LAMA3: variants seen among roughly 807,000 people sequenced by gnomAD.
LAMA3 encodes laminin subunit alpha-3.
In LAMA3, 281 loss-of-function variants were observed where a neutral mutation model predicts 402.0. The ratio of observed to expected loss-of-function variants is 0.70; its 90% confidence interval spans 0.63 to 0.77. The LOEUF is 0.77. LAMA3 is among the 30% of genes least tolerant of loss of function. The probability of loss-of-function intolerance (pLI) is 0.00; values close to 1 mark genes in which losing one functional copy is unlikely to be tolerated. For missense variants in LAMA3, 3,840 were observed against 4,215.5 expected, an observed-to-expected ratio of 0.91 and a Z score of 2.47; for synonymous variants, 1,431 against 1,558.4, an observed-to-expected ratio of 0.92 and a Z score of 1.93.
At position 23,876,368 on chromosome 18, in the gene LAMA3, A is replaced by G; in HGVS notation, c.5073A>G (p.Gly1691=). The part of the protein sequence containing the change: ...TGRCVPCNCN[G]HSNQCQDGSG... The stretch of plus-strand genomic sequence containing the variant: ...GGTGTGTTCCCTGCAATTGCAACGG[A>G]CATTCAAATCAATGCCAGGATGGCT... The change falls in exon 39 of 75, where the codon GGA becomes GGG. Residue 1691 remains glycine, a synonymous_variant. Transcript: ENST00000313654. 6.2e-7 allele frequency: 1 copy of G among 1,614,038 alleles called. No individual in the cohort carries two copies. The highest frequency in any genetic ancestry group is 8.5e-7 in the Non-Finnish European group (1 of 1,179,848).
Position 23,904,034 on chromosome 18 carries a change from G to A in LAMA3, c.6420G>A (p.Glu2140=). 1 of 1,614,164 alleles carries A rather than the reference G, an allele frequency of 6.2e-7. No homozygotes were observed. ...CTGCTGGCAAAACATCCCTTGTGGA[G>A]GAGGCAGAAAAGCACGCGCGGTCCT... ...SRSAGKTSLV[E]EAEKHARSLQ... The change falls in exon 50 of 75, where the codon GAG becomes GAA. Residue 2140 remains glutamate, a synonymous_variant. Coordinates refer to ENST00000313654, the MANE Select transcript of LAMA3 (RefSeq NM_198129.4).
intron 8 of LAMA3, among the ~76,000 whole-genome samples, chr18:23,772,636 T>C (rs2062226623): frequency 6.6e-6 from 1 of 152,246 alleles, no homozygotes. Context: ...GAAAAGTCTG[T>C]AGTTAATAAA....
chr18:23,888,297 G>A (rs562283252), intron 41 of LAMA3, among the ~76,000 whole-genome samples: 1 of 152,322 alleles, frequency 6.6e-6, no homozygotes. Context: ...ATGCCAATTA[G>A]AAGATGAATA....
chr18:23,854,995 A>T (rs914621414), intron 32 of LAMA3, among the ~76,000 whole-genome samples: 3 of 112,366 alleles, frequency 2.7e-5, no homozygotes, highest in Admixed American at 8.5e-5. Context: ...AAAATAAATA[A>T]ATAAAAAATA....
intron 17 of LAMA3, 104 bp downstream of exon 17, chr18:23,815,677 T>A (rs1246787903): frequency 1.2e-6 from 1 of 823,750 alleles, no homozygotes; most frequent in African/African-American, 1.7e-5. Flanking sequence ...GACTTTCTGA[T>A]GGAATGGCCC....
chr18:23,905,579 A>T lies in LAMA3; in HGVS notation c.6673A>T (p.Lys2225Ter). The T allele has an allele frequency of 6.2e-7, 1 of 1,611,474 alleles. No individual in the cohort carries two copies. Among genetic ancestry groups the T allele is most frequent in the Non-Finnish European group, 8.5e-7 (1 of 1,177,984 alleles). Residue 2225 changes from lysine to a stop codon, truncating the protein, a stop_gained, in exon 52 of 75, where the codon AAA (lysine) becomes TAA (stop). Transcript: ENST00000313654. LOFTEE classifies it high-confidence loss of function. ...TAAAACCCTGAGTTCCAACAGTGAT[A>T]AACTGTTAAATGAAGCCAAGATGAC... ...KAKTLSSNSD[K>*]LLNEAKMTQK... is the part of the protein sequence containing the mutation.
intron 67 of LAMA3, among the ~76,000 whole-genome samples, chr18:23,936,311 C>T (rs2082312151): frequency 1.3e-5 from 2 of 151,352 alleles, no homozygotes; most frequent in African/African-American, 2.4e-5. Context: ...CATATGTATA[C>T]ATGTGTCATG....
At chr18:23,733,480 T>C (rs1568125047) in intron 2 of LAMA3, among the ~76,000 whole-genome samples, 1 of 151,418 alleles carries the variant, frequency 6.6e-6, no homozygotes, top group Non-Finnish European at 1.5e-5. Context: ...TTGTGAGACT[T>C]ACTACCATGA....
rs973074560 is a variant in LAMA3, at chr18:23,918,991, C to T, written c.7924-1944C>T. Among the ~76,000 whole-genome samples, 46 of 152,306 alleles carry T rather than the reference C, an allele frequency of 3.0e-4. No homozygotes were observed. The highest frequency in any genetic ancestry group is 1.1e-3 in the African/African-American group (46 of 41,572). On this transcript the variant is annotated intron_variant, in intron 60 of 74. Coordinates refer to ENST00000313654, the MANE Select transcript of LAMA3 (RefSeq NM_198129.4). This position sits in a 1 kb window ranked among gnomAD's most constrained non-coding sequence, Gnocchi z 4.1. ...GTCATCCAGCATCTTCAGGACACGG[C>T]AGTTGTTTTACAAAACAAGGTCTTC...
Position 23,775,874 on chromosome 18 carries a change from C to T in LAMA3, c.1356C>T (p.Asp452=). 1 of 1,614,064 alleles carries T rather than the reference C, an allele frequency of 6.2e-7. No individual in the cohort carries two copies. The highest frequency in any genetic ancestry group is 1.1e-5 in the South Asian group (1 of 91,070). The change falls in exon 10 of 75, where the codon GAC becomes GAT. Residue 452 remains aspartate, a synonymous_variant. Transcript: ENST00000313654. ...ACTGCAAGCCAAATTTCCACGGAGA[C>T]AACTGTGAGAAGTGTGCAATTGGAT... ...RCHCKPNFHG[D]NCEKCAIGYY...
chr18:23,748,133 A>G, intron 3 of LAMA3, 73 bp downstream of exon 3: 1 of 986,200 alleles, frequency 1.0e-6, no homozygotes, highest in East Asian at 2.4e-5. Context: ...GGATTTAATT[A>G]GAAAATTAAT....
chr18:23,747,880 A>G, intron 2 of LAMA3, 63 bp from the exon 3 acceptor site: 1 of 946,982 alleles, frequency 1.1e-6, no homozygotes, highest in East Asian at 2.4e-5. Context: ...CATCACATAG[A>G]GATGGTAGAA....
At chr18:23,700,003 C>T (rs865787685) in intron 1 of LAMA3, among the ~76,000 whole-genome samples, 4 of 152,080 alleles carry the variant, frequency 2.6e-5, no homozygotes, top group African/African-American at 7.2e-5. Flanking sequence ...ATAGTAATTA[C>T]GAAAATTAAT....
intron 48 of LAMA3, among the ~76,000 whole-genome samples, chr18:23,902,806 A>G (rs2081117484): frequency 6.6e-6 from 1 of 152,226 alleles, no homozygotes; most frequent in Non-Finnish European, 1.5e-5. Flanking sequence ...TTTCATTGGC[A>G]TATCATTTAA....
chr18:23,910,666 GAA>G (rs2145206354), intron 55 of LAMA3, among the ~76,000 whole-genome samples: 1 of 152,246 alleles, frequency 6.6e-6, no homozygotes, highest in East Asian at 1.9e-4. Context: ...ACATGGATAA[GAA>G]TGTTCATTGC....
chr18:23,728,908 A>G lies in LAMA3; in HGVS notation c.447+14836A>G, dbSNP rs549655304. ...TAGCTAGGTGTGGTGGTGCGCACCT[A>G]TAGTCTCAGCTACTCAGAAGGCTGA... On this transcript the variant is annotated intron_variant, in intron 2 of 74. Transcript: ENST00000313654. 5.3e-5 allele frequency among the ~76,000 whole-genome samples: 8 copies of G among 151,754 alleles called. No individual in the cohort carries two copies. In the East Asian group the frequency reaches 1.4e-3, roughly 26 times the overall value.
intron 30 of LAMA3, among the ~76,000 whole-genome samples, chr18:23,845,918 G>A (rs1354272432): frequency 6.6e-6 from 1 of 152,174 alleles, no homozygotes; most frequent in African/African-American, 2.4e-5. Flanking sequence ...ATGAATGATA[G>A]CGATTCTCCT....
At chr18:23,692,097 G>A (rs1476154427) in intron 1 of LAMA3, among the ~76,000 whole-genome samples, 2 of 152,210 alleles carry the variant, frequency 1.3e-5, no homozygotes, top group East Asian at 3.8e-4. Flanking sequence ...GAGGCCCCAA[G>A]TGACTGTACA....
At position 23,890,351 on chromosome 18, in the gene LAMA3, T is replaced by A. The variant is rs1185195059; in HGVS notation, c.5410+234T>A. The stretch of plus-strand genomic sequence containing the variant: ...GGTGAATAACCTGTTTCAATGCACT[T>A]TTTTTTTTTAAAAAGTGAATTGTTT... On this transcript the variant is annotated intron_variant, in intron 42 of 74. Coordinates refer to ENST00000313654, the MANE Select transcript of LAMA3 (RefSeq NM_198129.4). Among the ~76,000 whole-genome samples, 2 of 151,430 alleles carry A rather than the reference T, an allele frequency of 1.3e-5. 1 individual carries two copies. The highest frequency in any genetic ancestry group is 1.3e-4 in the Admixed American group (2 of 15,172).
Sources: gnomAD v4.1 joint callset for allele counts (sites outside exome capture counted in the v4.1 genomes callset) on GRCh38, gnomAD v4.1.1 for gene constraint, Gnocchi (gnomAD v3.1) non-coding constraint, MANE v1.5 for transcripts, NCBI Gene and HGNC (gene_info 2026-07-23, HGNC 2026-07-21) for gene names.